HK2: variants seen among roughly 807,000 people sequenced by gnomAD.
HK2 encodes hexokinase 2, also known as hexokinase-2.
A neutral mutation model predicts 92.9 loss-of-function variants in HK2; 42 were observed. The ratio of observed to expected loss-of-function variants is 0.45; its 90% CI spans 0.35 to 0.58. The LOEUF is 0.58. HK2 is among the 20% of genes least tolerant of loss of function. The probability of loss-of-function intolerance (pLI) is 0.00; values close to 1 mark genes in which losing one functional copy is unlikely to be tolerated. For missense variants in HK2, 978 were observed against 1,245.1 expected (o/e 0.79, Z 3.23); for synonymous variants, 422 against 468.0 (o/e 0.90, Z 1.27).
chr2:74,872,161 A>G, intron 3 of HK2, 139 bp from the exon 4 acceptor site: 1 of 822,558 alleles, frequency 1.2e-6, no homozygotes, highest in Non-Finnish European at 2.1e-6. Context: ...CCCTTTTTGT[A>G]GGTGAGCAAA....
At chr2:74,878,623 C>A in intron 8 of HK2, 65 bp from the exon 9 acceptor site, 2 of 1,315,192 alleles carry the variant, frequency 1.5e-6, no homozygotes, top group Non-Finnish European at 1.1e-6. Context: ...CTTGCCACCC[C>A]CCGACACACA....
chr2:74,869,921 G>A (rs1689054854), intron 3 of HK2, among the ~76,000 whole-genome samples: 1 of 152,090 alleles, frequency 6.6e-6, no homozygotes, highest in Non-Finnish European at 1.5e-5. Flanking sequence ...GATAGGCACT[G>A]ACCCTGTGGC....
At chr2:74,875,620 C>T (rs1327956690) in intron 7 of HK2, among the ~76,000 whole-genome samples, 3 of 152,110 alleles carry the variant, frequency 2.0e-5, no homozygotes, top group Non-Finnish European at 4.4e-5. Flanking sequence ...TGAGCCACCG[C>T]GCCCGGCCTG....
intron 1 of HK2, among the ~76,000 whole-genome samples, chr2:74,845,440 T>C (rs1688413636): frequency 6.6e-6 from 1 of 152,242 alleles, no homozygotes; most frequent in Admixed American, 6.5e-5. Flanking sequence ...AGGAGGACCC[T>C]GGGCCGGGTG....
At chr2:74,873,750 A>C in intron 5 of HK2, 94 bp from the exon 6 acceptor site, 1 of 776,392 alleles carries the variant, frequency 1.3e-6, no homozygotes, top group Non-Finnish European at 2.3e-6. Context: ...AGAGAGAAGG[A>C]GGAGGAGGAG....
At position 74,865,601 on chromosome 2, in the gene HK2, T is replaced by C. The variant is rs1688926586; in HGVS notation, c.227-2035T>C. 2.0e-5 allele frequency among the ~76,000 whole-genome samples: 3 copies of C among 152,162 alleles called. No homozygotes were observed. In the South Asian group the frequency reaches 6.2e-4, roughly 32 times the overall value. On this transcript the variant is annotated intron_variant, in intron 2 of 17. Coordinates refer to ENST00000290573, the MANE Select transcript of HK2 (RefSeq NM_000189.5). ...TGTCTGGAAAAGCCACCCATGGCCA[T>C]GAGGCAGGCAGGCTAACCCCAGATG...
intron 2 of HK2, among the ~76,000 whole-genome samples, chr2:74,857,467 C>T (rs1276107825): frequency 6.6e-6 from 1 of 152,118 alleles, no homozygotes; most frequent in Admixed American, 6.5e-5. Flanking sequence ...TGTATGAATC[C>T]AAGGAGACAT....
rs1381678134 is a variant in HK2, at chr2:74,890,245, ACT to A, written c.2610-545_2610-544del. Among the ~76,000 whole-genome samples the A allele has an allele frequency of 2.0e-5, 3 of 151,964 alleles. No homozygotes were observed. The East Asian group carries it at 5.8e-4, about 29-fold the overall frequency. The stretch of plus-strand genomic sequence containing the variant: ...CCCTGCTGTATTGGGGCAGATCACA[ACT>A]CTCTCTTTCTCTGGTCCATATAGGA... On this transcript the variant is annotated intron_variant, in intron 17 of 17. Transcript: ENST00000290573.
In HK2 at chr2:74,834,627, A is replaced by G. The variant is rs1195089985; in HGVS notation, c.47A>G (p.His16Arg). The G allele has an allele frequency of 2.5e-6, 4 of 1,613,810 alleles. No individual in the cohort carries two copies. The highest frequency in any genetic ancestry group is 1.3e-5 in the African/African-American group (1 of 74,906). Reference sequence around the variant, plus strand: ...GCCTACTTCTTCACGGAGCTCAACCATGACCAAGTGCAGAAGGTAAGTCAG... The same window carrying G: ...GCCTACTTCTTCACGGAGCTCAACCGTGACCAAGTGCAGAAGGTAAGTCAG... ...LLAYFFTELN[H>R]DQVQKVDQYL... Residue 16 changes from histidine to arginine, a missense_variant, in exon 1 of 18, where the codon CAT becomes CGT. By Grantham distance (29) the His-to-Arg change is conservative. Around this residue, in one of 3 missense-constraint regions of HK2, gnomAD observed 47 missense variants for 33.1 expected, o/e 1.42. Transcript: ENST00000290573. The surrounding 1 kb of genome is among the most constrained non-coding windows in gnomAD (Gnocchi z 4.2).
chr2:74,881,463 C>T (rs28363036), intron 10 of HK2, among the ~76,000 whole-genome samples: 1,667 of 152,276 alleles, frequency 0.011, 33 homozygotes, highest in African/African-American at 0.036. Flanking sequence ...AAGGGTTGAA[C>T]GAGGACTGTG....
At chr2:74,844,170 C>CT (rs1296380543) in intron 1 of HK2, among the ~76,000 whole-genome samples, 1 of 152,160 alleles carries the variant, frequency 6.6e-6, no homozygotes, top group East Asian at 1.9e-4. Context: ...GGGAAGGGAC[C>CT]TTTGGGACCA....
chr2:74,835,618 G>A (rs1688144957), intron 1 of HK2, among the ~76,000 whole-genome samples: 1 of 152,076 alleles, frequency 6.6e-6, no homozygotes, highest in African/African-American at 2.4e-5. Context: ...TGGGGATGGG[G>A]CCGGGGCCGG....
intron 7 of HK2, among the ~76,000 whole-genome samples, chr2:74,875,968 T>C (rs1689221993): frequency 6.6e-6 from 1 of 152,198 alleles, no homozygotes; most frequent in South Asian, 2.1e-4. Context: ...TCCCCTCTAA[T>C]ATATTTCCAA....
intron 5 of HK2, 117 bp downstream of exon 5, chr2:74,873,488 T>C: frequency 1.4e-6 from 1 of 707,900 alleles, no homozygotes; most frequent in Non-Finnish European, 2.5e-6. Context: ...GAGAGTTCTC[T>C]TTTCCCTGAC....
intron 1 of HK2, among the ~76,000 whole-genome samples, chr2:74,843,980 A>G (rs1005083103): frequency 1.3e-5 from 2 of 152,166 alleles, no homozygotes; most frequent in Non-Finnish European, 2.9e-5. Context: ...CTATTATTCA[A>G]ATGAAGAGAC....
rs1286705597 is a variant in HK2 at position 74,885,539 on chromosome 2, G to A, written c.1885G>A (p.Glu629Lys). The A allele has an allele frequency of 2.5e-6, 4 of 1,613,900 alleles. No homozygotes were observed. The highest frequency in any genetic ancestry group is 2.2e-5 in the East Asian group (1 of 44,884). Residue 629 changes from glutamate to lysine, a missense_variant, in exon 13 of 18, where the codon GAG (glutamate) becomes AAG (lysine). Physicochemically the swap from Glu to Lys is moderately conservative, Grantham distance 56. Around this residue, in one of 3 missense-constraint regions of HK2, gnomAD observed 742 missense variants for 922.5 expected, o/e 0.80. Transcript: ENST00000290573. ...AAAAGGCTTCAAGGCATCTGGCTGCGAGGGCGAGGACGTGGTGACCCTGCT... is the reference window on the plus strand; with the variant it reads ...AAAAGGCTTCAAGGCATCTGGCTGCAAGGGCGAGGACGTGGTGACCCTGCT... ...WTKGFKASGC[E>K]GEDVVTLLKE...
intron 13 of HK2, among the ~76,000 whole-genome samples, 175 bp downstream of exon 13, chr2:74,885,764 C>T (rs28363050): frequency 1.3e-5 from 2 of 151,822 alleles, no homozygotes; most frequent in African/African-American, 2.4e-5. Context: ...GCTCTCAGCA[C>T]TGGCGGTTCA....
rs996553089 is a variant in HK2 at position 74,885,608 on chromosome 2, G to A, written c.1935+19G>A. ...GCGAGAGGTAGGAGACACATGGCAC[G>A]AGGTCTGATGTGTCAGCTCCTCAAT... is the stretch of plus-strand genomic sequence containing the variant. On this transcript the variant is annotated intron_variant, in intron 13 of 17. Transcript: ENST00000290573. 41 of 1,492,754 alleles carry A rather than the reference G, an allele frequency of 2.7e-5. No homozygotes were observed. The highest frequency in any genetic ancestry group is 5.5e-5 in the African/African-American group (4 of 72,574). 92.5% of individuals were successfully genotyped at this position (1,492,754 alleles called of 1,614,324 possible).
rs772667103 is a variant in HK2 at position 74,886,567 on chromosome 2, G to A, written c.2113G>A (p.Val705Met). 71 of 1,613,982 alleles carry A rather than the reference G, an allele frequency of 4.4e-5. No individual in the cohort carries two copies. Among genetic ancestry groups the A allele is most frequent in the Non-Finnish European group, 5.7e-5 (67 of 1,180,018 alleles). The change falls in exon 15 of 18, where the codon GTG (valine) becomes ATG (methionine). Residue 705 changes from valine to methionine, a missense_variant. Val to Met is a conservative substitution (Grantham distance 21, BLOSUM62 1). Coordinates refer to ENST00000290573, the MANE Select transcript of HK2 (RefSeq NM_000189.5). ...LVEGEEGRMC[V>M]NMEWGAFGDN... Reference sequence around the variant, plus strand: ...GGAAGGAGAAGAGGGGCGGATGTGTGTGAACATGGAATGGGGGGCCTTCGG... The same window carrying A: ...GGAAGGAGAAGAGGGGCGGATGTGTATGAACATGGAATGGGGGGCCTTCGG...
Sources: allele counts gnomAD v4.1 joint callset (sites outside exome capture counted in the v4.1 genomes callset), GRCh38; gene constraint gnomAD v4.1.1; regional missense constraint gnomAD v4.1.1; non-coding constraint Gnocchi (gnomAD v3.1); transcripts MANE v1.5; gene names NCBI Gene and HGNC (gene_info 2026-07-23, HGNC 2026-07-21).